Variants in CIRSR observed in about 807,000 individuals in gnomAD.
CIRSR encodes corepressor of RBPJ and splicing regulator.
At chr2:174,350,729 T>A in the CIRSR span, 2 of 1,608,776 alleles carry the variant, frequency 1.2e-6, no homozygotes, top group East Asian at 4.5e-5. Context: ...TTCTTCACCC[T>A]CACTTGCAAC....
At chr2:174,370,995 G>A in the CIRSR span, among the ~76,000 whole-genome samples, 7 of 152,088 alleles carry the variant, frequency 4.6e-5, no homozygotes, top group African/African-American at 1.4e-4. Context: ...GTATTACACT[G>A]TGAAATTCAA....
chr2:174,387,550 T>G, the CIRSR span: 13 of 894,788 alleles, frequency 1.5e-5, no homozygotes, highest in Non-Finnish European at 1.8e-5. Context: ...GTAAAAGAGA[T>G]AGCCCTCACG....
At chr2:174,368,084 T>C in the CIRSR span, among the ~76,000 whole-genome samples, 1 of 152,054 alleles carries the variant, frequency 6.6e-6, no homozygotes, top group Admixed American at 6.5e-5. Flanking sequence ...GGCAAAAACA[T>C]ATATAAATGT....
the CIRSR span, among the ~76,000 whole-genome samples, chr2:174,373,343 A>G: frequency 2.5e-4 from 38 of 152,362 alleles, no homozygotes; most frequent in African/African-American, 9.1e-4. Context: ...GTTATTTCTC[A>G]TCATGAACAT....
At chr2:174,387,661 T>C in the CIRSR span, 56 of 1,567,744 alleles carry the variant, frequency 3.6e-5, 1 homozygote, top group South Asian at 5.7e-4. Flanking sequence ...ATTCTAGATA[T>C]ACTGGCATAA....
At chr2:174,360,312 G>A in the CIRSR span, among the ~76,000 whole-genome samples, 1 of 151,950 alleles carries the variant, frequency 6.6e-6, no homozygotes. Context: ...AATATTTTGG[G>A]GAAAATTATT....
the CIRSR span, among the ~76,000 whole-genome samples, chr2:174,371,558 A>T: frequency 1.3e-5 from 2 of 152,360 alleles, no homozygotes; most frequent in African/African-American, 4.8e-5. Flanking sequence ...GAAAACTTAT[A>T]AAGTTAAGAT....
chr2:174,360,811 A>G, the CIRSR span, among the ~76,000 whole-genome samples: 1 of 152,242 alleles, frequency 6.6e-6, no homozygotes, highest in Non-Finnish European at 1.5e-5. Context: ...TTACAAAATT[A>G]TAATAATGTG....
At chr2:174,354,638 ATT>A in the CIRSR span, among the ~76,000 whole-genome samples, 1 of 83,470 alleles carries the variant, frequency 1.2e-5, no homozygotes, top group Non-Finnish European at 2.2e-5. Context: ...TATAATATAT[ATT>A]ATATATTTTT....
At chr2:174,388,623 AATAT>A in the CIRSR span, among the ~76,000 whole-genome samples, 1 of 151,134 alleles carries the variant, frequency 6.6e-6, no homozygotes, top group African/African-American at 2.4e-5. Flanking sequence ...AAGATGTTCT[AATAT>A]ATATATATAT....
the CIRSR span, among the ~76,000 whole-genome samples, chr2:174,354,747 G>GTA: frequency 2.1e-5 from 2 of 94,524 alleles, no homozygotes; most frequent in Non-Finnish European, 4.0e-5. Context: ...TTTTACATAT[G>GTA]TATATATATT....
At chr2:174,387,421 T>C in the CIRSR span, 2 of 293,658 alleles carry the variant, frequency 6.8e-6, no homozygotes, top group South Asian at 5.0e-5. Flanking sequence ...GACATGATTG[T>C]TCTTCTAAGC....
At chr2:174,349,756 G>A in the CIRSR span, among the ~76,000 whole-genome samples, 1 of 151,940 alleles carries the variant, frequency 6.6e-6, no homozygotes, top group Non-Finnish European at 1.5e-5. Flanking sequence ...TTCTTACTGA[G>A]TTGAAATTAT....
At chr2:174,368,630 G>A in the CIRSR span, among the ~76,000 whole-genome samples, 2 of 152,318 alleles carry the variant, frequency 1.3e-5, no homozygotes, top group African/African-American at 2.4e-5. Flanking sequence ...GCTGCAGTGA[G>A]CTATGACTGT....
chr2:174,379,658 T>C, the CIRSR span, among the ~76,000 whole-genome samples: 1 of 152,152 alleles, frequency 6.6e-6, no homozygotes, highest in African/African-American at 2.4e-5. Context: ...TCCAAATTTT[T>C]TGAAAACTGC....
chr2:174,372,046 CATT>C, the CIRSR span, among the ~76,000 whole-genome samples: 1 of 152,102 alleles, frequency 6.6e-6, no homozygotes, highest in Non-Finnish European at 1.5e-5. Flanking sequence ...AACACAACAT[CATT>C]ATTTGCTTTC....
chr2:174,392,072 A>G, the CIRSR span, among the ~76,000 whole-genome samples: 1 of 152,154 alleles, frequency 6.6e-6, no homozygotes, highest in African/African-American at 2.4e-5. Context: ...ATCTTGGCTC[A>G]CTGCAATCTC....
chr2:174,366,360 A>C, the CIRSR span, among the ~76,000 whole-genome samples: 1 of 152,168 alleles, frequency 6.6e-6, no homozygotes. Context: ...GAAAACACCA[A>C]GCAAGATAAA....
chr2:174,354,646 T>A, the CIRSR span, among the ~76,000 whole-genome samples: 6 of 75,972 alleles, frequency 7.9e-5, no homozygotes, highest in Middle Eastern at 5.5e-3. Context: ...ATATTATATA[T>A]TTTTATATAT....
Sources: allele counts gnomAD v4.1 joint callset (sites outside exome capture counted in the v4.1 genomes callset), GRCh38; gene constraint gnomAD v4.1.1; transcripts MANE v1.5; gene names NCBI Gene and HGNC (gene_info 2026-07-23, HGNC 2026-07-21).